The following ASCC3 variants were observed in gnomAD, a reference collection of about 807,000 sequenced individuals.
ASCC3 encodes the protein activating signal cointegrator 1 complex subunit 3, also known as ASC-1 complex subunit P200.
Under a neutral mutation model 256.3 loss-of-function variants are expected in ASCC3, and 158 were observed. The observed-to-expected ratio is 0.62, with a 90% CI of 0.54 to 0.70. The LOEUF (loss-of-function observed/expected upper bound fraction) is 0.70. Ranked by LOEUF, ASCC3 falls within the 30% of genes least tolerant of loss-of-function variation. The pLI is 0.00. For synonymous variants in ASCC3, 948 were observed against 883.4 expected (o/e 1.07, Z -1.30); for missense variants, 2,259 against 2,626.0 (o/e 0.86, Z 3.05).
chr6:100,674,631 A>T (rs1193149889), intron 14 of ASCC3, among the ~76,000 whole-genome samples: 3 of 131,642 alleles, frequency 2.3e-5, no homozygotes, highest in African/African-American at 5.6e-5. Flanking sequence ...TTATTACAGA[A>T]TTTTTTTTTT....
At chr6:100,864,599 A>G (rs905736624) in intron 2 of ASCC3, among the ~76,000 whole-genome samples, 3 of 152,182 alleles carry the variant, frequency 2.0e-5, no homozygotes, top group Non-Finnish European at 4.4e-5. Flanking sequence ...TATAGTGTAT[A>G]TAAATAAGAG....
At chr6:100,592,130 A>G (rs1772030036) in intron 34 of ASCC3, among the ~76,000 whole-genome samples, 1 of 150,556 alleles carries the variant, frequency 6.6e-6, no homozygotes, top group African/African-American at 2.5e-5. Flanking sequence ...AAACATTTAA[A>G]GTAAGTCACC....
At chr6:100,654,420 G>A (rs1775822042) in intron 17 of ASCC3, among the ~76,000 whole-genome samples, 2 of 151,848 alleles carry the variant, frequency 1.3e-5, no homozygotes, top group Admixed American at 6.6e-5. Context: ...GTACTTTAAA[G>A]TCAATTGATG....
intron 24 of ASCC3, among the ~76,000 whole-genome samples, chr6:100,641,889 C>T (rs1314330833): frequency 6.6e-6 from 1 of 152,058 alleles, no homozygotes; most frequent in African/African-American, 2.4e-5. Context: ...TGGAAACCAT[C>T]ATTCTCAGTA....
intron 36 of ASCC3, among the ~76,000 whole-genome samples, chr6:100,560,433 AT>A (rs1269071010): frequency 6.6e-6 from 1 of 152,096 alleles, no homozygotes; most frequent in Non-Finnish European, 1.5e-5. Flanking sequence ...GCTTTGTAGC[AT>A]CTTCCTTGAT....
At chr6:100,704,954 G>A (rs1237817036) in intron 13 of ASCC3, among the ~76,000 whole-genome samples, 1 of 152,042 alleles carries the variant, frequency 6.6e-6, no homozygotes, top group African/African-American at 2.4e-5. Context: ...ATAGAGTTAA[G>A]GCATTAATTA....
In ASCC3 at chr6:100,733,237, G is replaced by A. The variant is rs529036301; in HGVS notation, c.1738-7534C>T. On this transcript the variant is annotated intron_variant, in intron 10 of 41. Coordinates refer to ENST00000369162, the MANE Select transcript of ASCC3 (RefSeq NM_006828.4). ...AACTTTAAGAGCGGTTTCTTCTATA[G>A]AACACTATTCTGGAGACCGAATGAC... Among the ~76,000 whole-genome samples the A allele has an allele frequency of 5.9e-5, 9 of 152,234 alleles. No individual in the cohort carries two copies. The South Asian group carries it at 1.9e-3, about 32-fold the overall frequency.
intron 20 of ASCC3, among the ~76,000 whole-genome samples, chr6:100,650,087 A>G (rs1162588811): frequency 6.6e-6 from 1 of 151,676 alleles, no homozygotes; most frequent in African/African-American, 2.4e-5. Context: ...TATGGTAGGA[A>G]ATATGTTTAC....
At position 100,715,457 on chromosome 6, in the gene ASCC3, T is replaced by G; in HGVS notation, c.2151+5A>C. On this transcript the variant is annotated splice_donor_5th_base_variant and intron_variant, in intron 13 of 41. Transcript: ENST00000369162. ...TAAGTGTAAAAGCAGATAAAATAAG[T>G]GTACCTGGTGTCCAGCCTTTACTTG... 1 of 1,605,868 alleles carries G rather than the reference T, an allele frequency of 6.2e-7. No individual in the cohort carries two copies. The highest frequency in any genetic ancestry group is 1.3e-5 in the African/African-American group (1 of 74,788).
At chr6:100,658,392 GTTGAAAT>G (rs1211879914) in intron 16 of ASCC3, among the ~76,000 whole-genome samples, 2 of 151,290 alleles carry the variant, frequency 1.3e-5, no homozygotes, top group African/African-American at 4.8e-5. Flanking sequence ...TTAAAAAATT[GTTGAAAT>G]TATATAAAAA....
intron 21 of ASCC3, 47 bp from the exon 22 acceptor site, chr6:100,646,816 A>C (rs780609492): frequency 1.3e-6 from 2 of 1,580,234 alleles, no homozygotes; most frequent in South Asian, 2.2e-5. Flanking sequence ...GGCAGAAAAA[A>C]GCAATATAAT....
chr6:100,710,794 TA>T (rs1325490751), intron 13 of ASCC3, among the ~76,000 whole-genome samples: 1 of 152,168 alleles, frequency 6.6e-6, no homozygotes, highest in African/African-American at 2.4e-5. Context: ...TTTTATTTTT[TA>T]AATAAATATT....
At chr6:100,637,378 A>G (rs1774892772) in intron 25 of ASCC3, among the ~76,000 whole-genome samples, 2 of 152,174 alleles carry the variant, frequency 1.3e-5, no homozygotes, top group South Asian at 4.1e-4. Context: ...TTCCTTTCAA[A>G]ATGTGACGCT....
intron 8 of ASCC3, among the ~76,000 whole-genome samples, chr6:100,794,190 C>G (rs920077586): frequency 2.0e-5 from 3 of 152,058 alleles, no homozygotes; most frequent in Non-Finnish European, 4.4e-5. Flanking sequence ...TAAGTGAAAA[C>G]ACCTGATCAT....
At chr6:100,749,373 A>G (rs1780834563) in intron 10 of ASCC3, among the ~76,000 whole-genome samples, 1 of 152,002 alleles carries the variant, frequency 6.6e-6, no homozygotes. Context: ...ATTTTTAAAT[A>G]TTTTACTAGG....
chr6:100,738,681 A>T (rs1463679432), intron 10 of ASCC3, among the ~76,000 whole-genome samples: 1 of 152,108 alleles, frequency 6.6e-6, no homozygotes, highest in Non-Finnish European at 1.5e-5. Flanking sequence ...TTTGCTTTGG[A>T]CTGTCTTGGC....
chr6:100,856,417 G>A (rs1772942414), intron 3 of ASCC3: 2 of 982,894 alleles, frequency 2.0e-6, no homozygotes, highest in South Asian at 9.4e-5. Context: ...AAATACACAA[G>A]CATGTGTTAC....
At chr6:100,857,891 C>G (rs1199614430) in intron 3 of ASCC3, 1 of 151,442 alleles carries the variant, frequency 6.6e-6, no homozygotes, top group Non-Finnish European at 1.5e-5. Flanking sequence ...TACACACACA[C>G]ACACACACAC....
chr6:100,815,402 T>TA (rs373350935), intron 4 of ASCC3, among the ~76,000 whole-genome samples: 228 of 144,688 alleles, frequency 1.6e-3, no homozygotes, highest in South Asian at 5.9e-3. Context: ...TTCATAGAAC[T>TA]AAAAAAAAAA....
Sources: gnomAD v4.1 joint callset for allele counts (sites outside exome capture counted in the v4.1 genomes callset) on GRCh38, gnomAD v4.1.1 for gene constraint, MANE v1.5 for transcripts, NCBI Gene and HGNC (gene_info 2026-07-23, HGNC 2026-07-21) for gene names.